The following EHBP1 variants were observed in gnomAD, a reference collection of about 807,000 sequenced individuals.
EHBP1 encodes EH domain binding protein 1.
EHBP1 carries 55 observed loss-of-function variants against 144.0 expected under a neutral mutation model. That is an observed-to-expected ratio of 0.38 (90% CI 0.31 to 0.48). EHBP1 has a LOEUF of 0.48. EHBP1 is among the 20% of genes least tolerant of loss of function. EHBP1 has a pLI of 0.98. For synonymous variants in EHBP1, 469 were observed against 472.7 expected, an observed-to-expected ratio of 0.99 and a Z score of 0.10; for missense variants, 1,200 against 1,364.2, an observed-to-expected ratio of 0.88 and a Z score of 1.90.
At chr2:62,763,281 T>C (rs903818401) in intron 3 of EHBP1, among the ~76,000 whole-genome samples, 1 of 152,156 alleles carries the variant, frequency 6.6e-6, no homozygotes, top group Admixed American at 6.6e-5. Context: ...TCTTAATTGT[T>C]CTGTTTGTGT....
intron 1 of EHBP1, among the ~76,000 whole-genome samples, chr2:62,681,360 AATGTG>A (rs1328065288): frequency 6.7e-3 from 176 of 26,082 alleles, no homozygotes; most frequent in African/African-American, 9.7e-3. Flanking sequence ...ATATATATAT[AATGTG>A]TATATATGTA....
chr2:62,695,836 C>G (rs1027047479), intron 1 of EHBP1, among the ~76,000 whole-genome samples: 31 of 152,230 alleles, frequency 2.0e-4, no homozygotes, highest in African/African-American at 7.0e-4. Context: ...CCCCAGCCTT[C>G]CAAGTAGCTG....
chr2:62,762,318 T>C (rs759242974), intron 3 of EHBP1, among the ~76,000 whole-genome samples: 1 of 152,228 alleles, frequency 6.6e-6, no homozygotes, highest in Non-Finnish European at 1.5e-5. Context: ...AGACTTAGTC[T>C]TTGGAGCTTT....
chr2:62,814,142 A>C (rs1419752225), intron 5 of EHBP1, among the ~76,000 whole-genome samples: 2 of 152,232 alleles, frequency 1.3e-5, no homozygotes, highest in East Asian at 3.8e-4. Flanking sequence ...TCCCCAGTGC[A>C]ACAGTGTTGA....
chr2:63,015,739 CTAAG>C (rs1273013339), intron 19 of EHBP1, among the ~76,000 whole-genome samples: 1 of 151,928 alleles, frequency 6.6e-6, no homozygotes, highest in Non-Finnish European at 1.5e-5. Flanking sequence ...ATACATTAAA[CTAAG>C]TGAGATATCT....
chr2:62,720,756 C>A (rs2036147662), intron 2 of EHBP1, among the ~76,000 whole-genome samples: 1 of 151,906 alleles, frequency 6.6e-6, no homozygotes, highest in South Asian at 2.1e-4. Context: ...TTTTGGTTTC[C>A]CTGGGTCACA....
chr2:63,032,015 T>G (rs1440023123), intron 19 of EHBP1, among the ~76,000 whole-genome samples: 1 of 152,172 alleles, frequency 6.6e-6, no homozygotes, highest in Non-Finnish European at 1.5e-5. Flanking sequence ...TAATGACTAC[T>G]TTGATGCTTT....
chr2:62,690,714 C>T (rs1485086736), intron 1 of EHBP1, among the ~76,000 whole-genome samples: 7 of 152,042 alleles, frequency 4.6e-5, no homozygotes, highest in Admixed American at 2.6e-4. Flanking sequence ...AAGTCCTTTG[C>T]GCCCCTCAAG....
At chr2:62,898,626 T>C (rs2053141706) in intron 10 of EHBP1, among the ~76,000 whole-genome samples, 1 of 152,146 alleles carries the variant, frequency 6.6e-6, no homozygotes, top group African/African-American at 2.4e-5. Context: ...ATATCATACC[T>C]ATGTACTTTG....
chr2:62,781,108 C>T (rs1488228716), intron 5 of EHBP1, among the ~76,000 whole-genome samples: 1 of 151,898 alleles, frequency 6.6e-6, no homozygotes, highest in Non-Finnish European at 1.5e-5. Context: ...CTTCCAGTAT[C>T]CTACAGTCTG....
intron 12 of EHBP1, among the ~76,000 whole-genome samples, chr2:62,945,072 T>C (rs1404299776): frequency 1.3e-5 from 2 of 152,256 alleles, no homozygotes; most frequent in East Asian, 3.8e-4. Context: ...GTGTTAACCA[T>C]GCCTGAGACT....
At chr2:62,959,546 T>C (rs753026924) in intron 14 of EHBP1, among the ~76,000 whole-genome samples, 19 of 152,198 alleles carry the variant, frequency 1.2e-4, no homozygotes, top group Non-Finnish European at 2.5e-4. Context: ...CTTGCTACTT[T>C]AGTTTTTTAA....
chr2:63,045,120 T>C lies in EHBP1; in HGVS notation c.3332T>C (p.Leu1111Pro). 1 of 1,595,634 alleles carries C rather than the reference T, an allele frequency of 6.3e-7. No individual in the cohort carries two copies. Reference sequence around the variant, plus strand: ...CGCGAACAGCTTCTGCTAGATGAGCTGGTGGCCCTGGTGAACAAGCGCGAT... The same window carrying C: ...CGCGAACAGCTTCTGCTAGATGAGCCGGTGGCCCTGGTGAACAAGCGCGAT... ...KRREQLLLDELVALVNKRDAL... is the reference protein window; with the variant it reads ...KRREQLLLDEPVALVNKRDAL... The change falls in exon 22 of 23, where the codon CTG (leucine) becomes CCG (proline). Residue 1111 changes from leucine to proline, a missense_variant. Leu to Pro is a moderately conservative substitution (Grantham distance 98). This residue lies in a region of EHBP1 where 149 missense variants were observed against 217.0 expected (regional missense o/e 0.69). Transcript: ENST00000431489. This position sits in a 1 kb window ranked among gnomAD's most constrained non-coding sequence, Gnocchi z 5.7.
chr2:62,685,240 AT>A (rs1427336995), intron 1 of EHBP1, among the ~76,000 whole-genome samples: 1 of 152,236 alleles, frequency 6.6e-6, no homozygotes, highest in African/African-American at 2.4e-5. Context: ...TGATTTAATC[AT>A]TCCACATTGT....
chr2:62,967,962 A>G (rs2058322040), intron 14 of EHBP1, among the ~76,000 whole-genome samples: 1 of 152,120 alleles, frequency 6.6e-6, no homozygotes, highest in South Asian at 2.1e-4. Context: ...ACAGATGAAT[A>G]AGCTGTTTTG....
At position 62,771,319 on chromosome 2, in the gene EHBP1, A is replaced by G. The variant is rs764938164; in HGVS notation, c.259-20A>G. 1.1e-5 allele frequency: 18 copies of G among 1,580,614 alleles called. No homozygotes were observed. Among genetic ancestry groups the G allele is most frequent in the African/African-American group, 1.4e-5 (1 of 73,932 alleles). ...AAGACATGTATTTCAATTCCATTTC[A>G]TATTTTGCTTTTGTTACAGGATCCT... On this transcript the variant is annotated intron_variant, in intron 4 of 22. Transcript: ENST00000431489.
intron 7 of EHBP1, among the ~76,000 whole-genome samples, chr2:62,842,253 A>T (rs2047949896): frequency 6.6e-6 from 1 of 151,972 alleles, no homozygotes; most frequent in Non-Finnish European, 1.5e-5. Context: ...CACTCAGCTA[A>T]TTTTTGTATT....
intron 10 of EHBP1, among the ~76,000 whole-genome samples, chr2:62,921,180 T>G (rs1365532350): frequency 6.6e-6 from 1 of 152,174 alleles, no homozygotes; most frequent in East Asian, 1.9e-4. Context: ...GCATGGTGGC[T>G]CATGCCTGTA....
At chr2:62,830,965 A>G in intron 6 of EHBP1, 54 bp from the exon 7 acceptor site, 1 of 1,556,672 alleles carries the variant, frequency 6.4e-7, no homozygotes, top group South Asian at 1.2e-5. Context: ...AGAAACCATC[A>G]TTTTTCTAAC....
Sources: gnomAD v4.1 joint callset for allele counts (sites outside exome capture counted in the v4.1 genomes callset) on GRCh38, gnomAD v4.1.1 for gene constraint, gnomAD v4.1.1 regional missense constraint, Gnocchi (gnomAD v3.1) non-coding constraint, MANE v1.5 for transcripts, NCBI Gene and HGNC (gene_info 2026-07-23, HGNC 2026-07-21) for gene names.